FAM151B: variants seen among roughly 807,000 people sequenced by gnomAD.
The protein encoded by FAM151B is family with sequence similarity 151 member B.
Under a neutral mutation model 31.2 loss-of-function variants are expected in FAM151B, and 24 were observed. The ratio of observed to expected loss-of-function variants is 0.77; its 90% CI spans 0.56 to 1.08. The LOEUF is 1.08. Among genes scored for constraint, FAM151B ranks in the 50% least tolerant of loss-of-function variants. FAM151B has a pLI of 0.00. For synonymous variants in FAM151B, 105 were observed against 111.4 expected, an observed-to-expected ratio of 0.94 and a Z score of 0.36; for missense variants, 293 against 328.6, an observed-to-expected ratio of 0.89 and a Z score of 0.84.
chr5:80,529,825 G>C (rs1437055466), intron 5 of FAM151B, among the ~76,000 whole-genome samples: 3 of 134,564 alleles, frequency 2.2e-5, no homozygotes, highest in African/African-American at 9.3e-5. Flanking sequence ...GGAGCTGGTA[G>C]CATTCCTTTT....
intron 5 of FAM151B, among the ~76,000 whole-genome samples, chr5:80,532,328 C>G (rs896469069): frequency 8.1e-4 from 123 of 151,934 alleles, no homozygotes; most frequent in African/African-American, 2.7e-3. Flanking sequence ...TGTAACTAAC[C>G]TGCATGTTGT....
At chr5:80,513,520 C>A in intron 2 of FAM151B, 84 bp from the exon 3 acceptor site, 1 of 1,318,842 alleles carries the variant, frequency 7.6e-7, no homozygotes. Flanking sequence ...TTTTATCTTC[C>A]TCAAAAGGAT....
At chr5:80,498,441 G>A (rs948809295) in intron 1 of FAM151B, 58 of 432,146 alleles carry the variant, frequency 1.3e-4, no homozygotes, top group Admixed American at 9.0e-4. Flanking sequence ...AGCAGTTTCC[G>A]ATAGCCATTT....
intron 5 of FAM151B, among the ~76,000 whole-genome samples, chr5:80,531,582 T>C (rs930344629): frequency 1.3e-5 from 2 of 152,136 alleles, no homozygotes; most frequent in African/African-American, 4.8e-5. Flanking sequence ...GCGAAGGATA[T>C]GAACAGACAC....
At chr5:80,490,647 A>G (rs2112592306) in intron 1 of FAM151B, among the ~76,000 whole-genome samples, 1 of 152,370 alleles carries the variant, frequency 6.6e-6, no homozygotes, top group Non-Finnish European at 1.5e-5. Flanking sequence ...GATGTTTCAT[A>G]TAAATGGAAT....
In FAM151B at chr5:80,540,537, C is replaced by T. The variant is rs1446398189; in HGVS notation, c.672-1136C>T. Reference sequence around the variant, plus strand: ...CATCCATTTCCTCAGGCCGTTTTTTCCATTTCAGTCTGAATACAATGAAGT... The same window carrying T: ...CATCCATTTCCTCAGGCCGTTTTTTTCATTTCAGTCTGAATACAATGAAGT... On this transcript the variant is annotated intron_variant, in intron 5 of 5. Transcript: ENST00000282226. Among the ~76,000 whole-genome samples the T allele has an allele frequency of 3.3e-5, 5 of 151,950 alleles. 1 individual carries two copies. The highest frequency in any genetic ancestry group is 1.3e-4 in the Admixed American group (2 of 15,244).
chr5:80,539,224 A>T (rs903450300), intron 5 of FAM151B, among the ~76,000 whole-genome samples: 1 of 151,928 alleles, frequency 6.6e-6, no homozygotes, highest in African/African-American at 2.4e-5. Context: ...AACTCTTAAG[A>T]TATTTTTGTC....
Position 80,532,888 on chromosome 5 carries a change from C to T in FAM151B, c.672-8785C>T, listed in dbSNP as rs557624632. 1.7e-3 allele frequency among the ~76,000 whole-genome samples: 259 copies of T among 152,108 alleles called. 4 individuals carry two copies. Among genetic ancestry groups the T allele is most frequent in the Non-Finnish European group, 9.6e-4 (65 of 67,994 alleles). ...ATACATGGAAATTAAACTATATGCT[C>T]CTGAATGGCCAGTGGGTCAATGAAG... is the stretch of plus-strand genomic sequence containing the variant. On this transcript the variant is annotated intron_variant, in intron 5 of 5. Coordinates refer to ENST00000282226, the MANE Select transcript of FAM151B (RefSeq NM_205548.3).
At chr5:80,533,059 A>G (rs1463799692) in intron 5 of FAM151B, among the ~76,000 whole-genome samples, 1 of 152,206 alleles carries the variant, frequency 6.6e-6, no homozygotes, top group Non-Finnish European at 1.5e-5. Context: ...AAAACTTCAA[A>G]TAACCTAACA....
At chr5:80,526,921 G>A (rs933882639) in intron 5 of FAM151B, among the ~76,000 whole-genome samples, 1 of 152,036 alleles carries the variant, frequency 6.6e-6, no homozygotes, top group Middle Eastern at 3.2e-3. Flanking sequence ...ATCCTACATT[G>A]CATAGAACTG....
At chr5:80,537,669 T>TAAAG (rs1249072605) in intron 5 of FAM151B, among the ~76,000 whole-genome samples, 3 of 152,212 alleles carry the variant, frequency 2.0e-5, no homozygotes, top group Non-Finnish European at 2.9e-5. Flanking sequence ...CTGTACTTAG[T>TAAAG]TACAGGTAAA....
At chr5:80,514,025 T>G (rs2112628574) in intron 3 of FAM151B, among the ~76,000 whole-genome samples, 1 of 152,238 alleles carries the variant, frequency 6.6e-6, no homozygotes, top group East Asian at 1.9e-4. Context: ...AAAGGTAAAT[T>G]AAAAATGCTA....
intron 5 of FAM151B, among the ~76,000 whole-genome samples, chr5:80,533,204 C>T (rs547198841): frequency 8.6e-5 from 13 of 151,744 alleles, no homozygotes; most frequent in African/African-American, 2.9e-4. Flanking sequence ...AGTGAAACCC[C>T]GTCTCTACTA....
chr5:80,494,520 CTTTCTTTT>C (rs1743458026), intron 1 of FAM151B, among the ~76,000 whole-genome samples: 2 of 123,826 alleles, frequency 1.6e-5, no homozygotes, highest in Admixed American at 8.4e-5. Context: ...TTCTTTCTTT[CTTTCTTTT>C]TTAAGACAGG....
intron 4 of FAM151B, among the ~76,000 whole-genome samples, chr5:80,520,667 CAT>C (rs950346219): frequency 7.2e-6 from 1 of 139,716 alleles, no homozygotes; most frequent in African/African-American, 2.8e-5. Context: ...AAAGTGTGTG[CAT>C]ATATATATAT....
intron 3 of FAM151B, chr5:80,519,021 A>G (rs1744582419): frequency 6.6e-6 from 1 of 152,236 alleles, no homozygotes; most frequent in Non-Finnish European, 1.5e-5. Flanking sequence ...ATCAGCTAGA[A>G]TATCTGTAGG....
chr5:80,539,370 A>ATT (rs11377216), intron 5 of FAM151B, among the ~76,000 whole-genome samples: 2,902 of 151,830 alleles, frequency 0.019, 94 homozygotes, highest in African/African-American at 0.065. Flanking sequence ...TTATTTAATG[A>ATT]TTTTTTTTAA....
At chr5:80,502,697 T>G (rs1246474868) in intron 2 of FAM151B, among the ~76,000 whole-genome samples, 1 of 152,206 alleles carries the variant, frequency 6.6e-6, no homozygotes, top group African/African-American at 2.4e-5. Flanking sequence ...TTGCAGTATC[T>G]GGTCCAACAA....
chr5:80,538,464 T>TTCTCTCTCTCTCTCTCTC (rs1491040595), intron 5 of FAM151B, among the ~76,000 whole-genome samples: 1 of 108,314 alleles, frequency 9.2e-6, no homozygotes, highest in African/African-American at 3.8e-5. Context: ...CTTTCTTTCT[T>TTCTCTCTCTCTCTCTCTC]TCTTTCTTTC....
Sources: allele counts gnomAD v4.1 joint callset (sites outside exome capture counted in the v4.1 genomes callset), GRCh38; gene constraint gnomAD v4.1.1; transcripts MANE v1.5; gene names NCBI Gene and HGNC (gene_info 2026-07-23, HGNC 2026-07-21).